Variants in PYROXD1 observed in about 807,000 individuals in gnomAD.
The protein encoded by PYROXD1 is pyridine nucleotide-disulphide oxidoreductase domain 1, also known as tRNA ligase complex-associated NAD(P)H dehydrogenase PYROXD1.
Under a neutral mutation model 62.0 loss-of-function variants are expected in PYROXD1, and 42 were observed. The ratio of observed to expected loss-of-function variants is 0.68; its 90% confidence interval spans 0.53 to 0.88. The LOEUF is 0.88. PYROXD1 is among the 40% of genes least tolerant of loss of function. The pLI is 0.00. For missense variants in PYROXD1, 493 were observed against 604.8 expected, an observed-to-expected ratio of 0.82 and a Z score of 1.94; for synonymous variants, 170 against 206.4, an observed-to-expected ratio of 0.82 and a Z score of 1.51.
intron 10 of PYROXD1, among the ~76,000 whole-genome samples, chr12:21,463,923 G>A (rs1232996054): frequency 6.6e-6 from 1 of 152,154 alleles, no homozygotes; most frequent in Non-Finnish European, 1.5e-5. Flanking sequence ...TTAAAGACCA[G>A]CTCCACAGTT....
chr12:21,470,224 T>G lies in PYROXD1; in HGVS notation c.*1470T>G, dbSNP rs1209819349. On this transcript the variant is annotated 3_prime_UTR_variant, in exon 12 of 12. Coordinates refer to ENST00000240651, the MANE Select transcript of PYROXD1 (RefSeq NM_024854.5). ...CATCATCGATTTTTCTTTTCTTAGC[T>G]CCTGTATTCTTAGAACCAGATTGCT... is the stretch of plus-strand genomic sequence containing the variant. 1.2e-6 allele frequency: 2 copies of G among 1,610,134 alleles called. No homozygotes were observed. The highest frequency in any genetic ancestry group is 1.7e-6 in the Non-Finnish European group (2 of 1,178,372).
intron 1 of PYROXD1, chr12:21,438,674 A>G (rs1942239980): frequency 6.6e-6 from 1 of 152,230 alleles, no homozygotes; most frequent in African/African-American, 2.4e-5. Context: ...GACCATATAT[A>G]TTCAGATACA....
At chr12:21,467,319 A>C in intron 10 of PYROXD1, 162 bp from the exon 11 acceptor site, 1 of 551,080 alleles carries the variant, frequency 1.8e-6, no homozygotes, top group Non-Finnish European at 3.1e-6. Flanking sequence ...AACAAATACC[A>C]AAAATCAGTC....
intron 5 of PYROXD1, among the ~76,000 whole-genome samples, chr12:21,452,628 G>A (rs1240285305): frequency 1.3e-5 from 2 of 152,004 alleles, no homozygotes; most frequent in African/African-American, 4.8e-5. Context: ...TGTGGTTCTT[G>A]CAGCTCTTTT....
chr12:21,457,428 T>G (rs7133445), intron 7 of PYROXD1, among the ~76,000 whole-genome samples: 87,347 of 150,818 alleles, frequency 0.58, 25,395 homozygotes, highest in Middle Eastern at 0.72. Context: ...TATTTTGAAA[T>G]GAATCTTTTT....
chr12:21,458,777 T>C (rs1942644266), intron 7 of PYROXD1, among the ~76,000 whole-genome samples: 1 of 152,214 alleles, frequency 6.6e-6, no homozygotes, highest in Non-Finnish European at 1.5e-5. Context: ...CTGTGTTAGA[T>C]GGGTGTGGTT....
intron 8 of PYROXD1, among the ~76,000 whole-genome samples, 171 bp downstream of exon 8, chr12:21,461,325 T>G (rs1176406553): frequency 1.3e-5 from 2 of 151,674 alleles, no homozygotes; most frequent in Non-Finnish European, 2.9e-5. Context: ...TTTCACTGTC[T>G]GTTGTTTTCT....
chr12:21,439,711 G>A (rs994992341), intron 1 of PYROXD1, among the ~76,000 whole-genome samples: 2 of 152,194 alleles, frequency 1.3e-5, no homozygotes, highest in African/African-American at 4.8e-5. Context: ...GAGGGTGGTG[G>A]TGTCGAGGAA....
At position 21,468,878 on chromosome 12, in the gene PYROXD1, A is replaced by G. The variant is rs1942855417; in HGVS notation, c.*124A>G. 3 of 881,630 alleles carry G rather than the reference A, an allele frequency of 3.4e-6. No homozygotes were observed. In the African/African-American group the frequency reaches 5.1e-5, roughly 15 times the overall value. The allele number at this position is 881,630 out of a possible 1,614,324, so 54.6% of individuals were successfully genotyped here. A position where few individuals can be genotyped will look rare whatever the true frequency, so the allele number is the denominator to read the frequency against. On this transcript the variant is annotated 3_prime_UTR_variant, in exon 12 of 12. Coordinates refer to ENST00000240651, the MANE Select transcript of PYROXD1 (RefSeq NM_024854.5). ...ACTGAAAATTACAGAAGTGATAATGATATTAGTGGAAAAATATAAAAACAT... is the reference window on the plus strand; with the variant it reads ...ACTGAAAATTACAGAAGTGATAATGGTATTAGTGGAAAAATATAAAAACAT...
intron 3 of PYROXD1, among the ~76,000 whole-genome samples, chr12:21,446,397 C>T (rs1173232630): frequency 3.3e-5 from 5 of 152,010 alleles, no homozygotes; most frequent in Admixed American, 2.0e-4. Context: ...TGCACTCCAG[C>T]CTGGGCGACA....
chr12:21,447,220 C>T (rs910626697), intron 3 of PYROXD1, among the ~76,000 whole-genome samples: 2 of 152,016 alleles, frequency 1.3e-5, no homozygotes, highest in African/African-American at 2.4e-5. Flanking sequence ...TGTTTTATCT[C>T]CTTTAGGGAT....
At position 21,448,310 on chromosome 12, in the gene PYROXD1, C is replaced by T. The variant is rs889767467; in HGVS notation, c.286-1253C>T. 6.2e-5 allele frequency: 20 copies of T among 321,172 alleles called. 1 individual carries two copies. The South Asian group carries it at 6.3e-4, about 10-fold the overall frequency. The allele number at this position is 321,172 out of a possible 1,614,324, so 19.9% of individuals were successfully genotyped here. A position where few individuals can be genotyped will look rare whatever the true frequency, so the allele number is the denominator to read the frequency against. On this transcript the variant is annotated intron_variant, in intron 3 of 11. Transcript: ENST00000240651. ...GGACGCAGAGTGTGTGGCTCACTTC[C>T]GTCTGGAGAAGTGTCCTTTACATTT...
At position 21,455,252 on chromosome 12, in the gene PYROXD1, G is replaced by A; in HGVS notation, c.609G>A (p.Glu203=). ...CAAAGCTCATTGCTGAAAAATCAGA[G>A]GCTAAAATTGCACATAAAAGAACCA... ...LTSKLIAEKS[E]AKIAHKRTRY... Residue 203 remains glutamate (E), a synonymous_variant, in exon 6 of 12, where the codon GAG becomes GAA. Transcript: ENST00000240651. 1.3e-6 allele frequency: 2 copies of A among 1,571,078 alleles called. No homozygotes were observed. The highest frequency in any genetic ancestry group is 8.6e-7 in the Non-Finnish European group (1 of 1,158,816).
At chr12:21,465,770 G>A (rs1591958319) in intron 10 of PYROXD1, among the ~76,000 whole-genome samples, 2 of 151,916 alleles carry the variant, frequency 1.3e-5, no homozygotes. Flanking sequence ...GTATTGCCTA[G>A]GTTTTCTTCT....
chr12:21,467,791 C>T (rs1942829839), intron 11 of PYROXD1, among the ~76,000 whole-genome samples, 173 bp downstream of exon 11: 1 of 151,852 alleles, frequency 6.6e-6, no homozygotes, highest in African/African-American at 2.4e-5. Context: ...GTCTTAATCC[C>T]TAATCATCTG....
chr12:21,453,079 G>C (rs1176891552), intron 5 of PYROXD1, among the ~76,000 whole-genome samples: 3 of 152,018 alleles, frequency 2.0e-5, no homozygotes, highest in Admixed American at 1.3e-4. Context: ...TGGGCCAAGA[G>C]GGAAGAGGTA....
intron 3 of PYROXD1, chr12:21,448,100 C>G (rs776641026): frequency 8.6e-5 from 55 of 640,688 alleles, no homozygotes; most frequent in Non-Finnish European, 1.5e-4. Context: ...TGGCTTTTAT[C>G]ATGTCTGATG....
chr12:21,439,675 G>A (rs528767233), intron 1 of PYROXD1, among the ~76,000 whole-genome samples: 84 of 152,232 alleles, frequency 5.5e-4, no homozygotes, highest in Non-Finnish European at 1.0e-3. Flanking sequence ...TTTTAGTGAT[G>A]GAGTAGGAAT....
At chr12:21,438,309 T>A (rs1942231796) in intron 1 of PYROXD1, 1 of 153,502 alleles carries the variant, frequency 6.5e-6, no homozygotes, top group African/African-American at 2.4e-5. Context: ...CCGCTAATGT[T>A]TGTATTTTTA....
Sources: gnomAD v4.1 joint callset for allele counts (sites outside exome capture counted in the v4.1 genomes callset) on GRCh38, gnomAD v4.1.1 for gene constraint, MANE v1.5 for transcripts, NCBI Gene and HGNC (gene_info 2026-07-23, HGNC 2026-07-21) for gene names.